Variants in DYM observed in about 807,000 individuals in gnomAD.
DYM encodes the protein dymeclin.
Under a neutral mutation model 93.1 loss-of-function variants are expected in DYM, and 78 were observed. That is an observed-to-expected ratio of 0.84 (90% CI 0.70 to 1.01). The LOEUF (loss-of-function observed/expected upper bound fraction) is 1.01. DYM is among the 50% of genes least tolerant of loss of function. The pLI is 0.00. For missense variants in DYM, 789 were observed against 845.0 expected (o/e 0.93, Z 0.82); for synonymous variants, 321 against 319.7 (o/e 1.00, Z -0.04).
chr18:49,396,892 T>C (rs1239422946), intron 2 of DYM, among the ~76,000 whole-genome samples: 1 of 152,158 alleles, frequency 6.6e-6, no homozygotes, highest in Non-Finnish European at 1.5e-5. Flanking sequence ...AACAGTAGAA[T>C]AGTGGTACTG....
chr18:49,077,469 G>A (rs1377561524), intron 17 of DYM, among the ~76,000 whole-genome samples: 1 of 152,204 alleles, frequency 6.6e-6, no homozygotes. Flanking sequence ...TTCTGCCACT[G>A]TCCAGTGAAA....
At chr18:49,061,865 G>A (rs1197525988) in intron 17 of DYM, among the ~76,000 whole-genome samples, 1 of 152,220 alleles carries the variant, frequency 6.6e-6, no homozygotes, top group African/African-American at 2.4e-5. Context: ...AGAGTCCAGT[G>A]ACCTGTGTTG....
intron 14 of DYM, among the ~76,000 whole-genome samples, chr18:49,193,822 A>G (rs1348187694): frequency 2.0e-5 from 3 of 152,212 alleles, no homozygotes; most frequent in Non-Finnish European, 4.4e-5. Context: ...TTCATCTTTT[A>G]TAACATAGAA....
intron 15 of DYM, 32 bp from the exon 16 acceptor site, chr18:49,118,958 C>T: frequency 1.3e-6 from 2 of 1,577,620 alleles, no homozygotes; most frequent in Non-Finnish European, 1.7e-6. Context: ...AACACAGAGT[C>T]AGTCTTTTCC....
intron 9 of DYM, among the ~76,000 whole-genome samples, chr18:49,282,712 C>T (rs544619511): frequency 2.0e-5 from 3 of 152,282 alleles, no homozygotes; most frequent in African/African-American, 7.2e-5. Context: ...AATAAATCAG[C>T]TATAAGAACA....
At chr18:49,230,231 C>G (rs1452307886) in intron 13 of DYM, among the ~76,000 whole-genome samples, 1 of 152,102 alleles carries the variant, frequency 6.6e-6, no homozygotes, top group Non-Finnish European at 1.5e-5. Context: ...TTAAAAACAA[C>G]AGTCACTAAG....
rs1434439324 is a variant in DYM at position 49,041,367 on chromosome 18, C to T, written c.*2688G>A. On this transcript the variant is annotated 3_prime_UTR_variant, in exon 18 of 18. Transcript: ENST00000675505. Reference sequence around the variant, plus strand: ...TTCAGATCTGGGGTAAAATCAGATGCCAATTTCCATCTGAACACACGATGA... The same window carrying T: ...TTCAGATCTGGGGTAAAATCAGATGTCAATTTCCATCTGAACACACGATGA... The T allele has an allele frequency of 6.6e-6, 1 of 152,192 alleles. No homozygotes were observed. Among genetic ancestry groups the T allele is most frequent in the East Asian group, 1.9e-4 (1 of 5,200 alleles). The allele number at this position is 152,192 out of a possible 1,614,324, so 9.4% of individuals were successfully genotyped here.
At chr18:49,366,160 T>C (rs1485697593) in intron 5 of DYM, among the ~76,000 whole-genome samples, 4 of 152,192 alleles carry the variant, frequency 2.6e-5, no homozygotes, top group African/African-American at 7.2e-5. Flanking sequence ...TAAGTGAAGA[T>C]TGACAAGATT....
chr18:49,338,155 T>C (rs1469608004), intron 6 of DYM, among the ~76,000 whole-genome samples: 1 of 152,184 alleles, frequency 6.6e-6, no homozygotes, highest in Admixed American at 6.5e-5. Context: ...ATAGCATTTC[T>C]CCTTAGCAGC....
chr18:49,458,212 A>G (rs2083167423), intron 1 of DYM, among the ~76,000 whole-genome samples: 2 of 152,226 alleles, frequency 1.3e-5, no homozygotes, highest in Non-Finnish European at 2.9e-5. Context: ...AATATAAGAA[A>G]GAGCCATTTG....
chr18:49,121,774 C>T (rs1290821744), intron 15 of DYM, among the ~76,000 whole-genome samples: 1 of 152,172 alleles, frequency 6.6e-6, no homozygotes, highest in African/African-American at 2.4e-5. Flanking sequence ...AATGTAGTGG[C>T]ATCATTAAAG....
chr18:49,369,135 A>C (rs1175978315), intron 5 of DYM, among the ~76,000 whole-genome samples: 4 of 152,206 alleles, frequency 2.6e-5, no homozygotes, highest in African/African-American at 9.7e-5. Context: ...TCTCTATAAG[A>C]GTATCCACTA....
intron 13 of DYM, among the ~76,000 whole-genome samples, chr18:49,249,103 C>T (rs533730445): frequency 1.3e-5 from 2 of 152,270 alleles, no homozygotes; most frequent in South Asian, 4.1e-4. Flanking sequence ...GTGAGCGAGT[C>T]ACTCTCAGAA....
chr18:49,340,760 C>A (rs1163871396), intron 6 of DYM, among the ~76,000 whole-genome samples: 1 of 152,148 alleles, frequency 6.6e-6, no homozygotes, highest in East Asian at 1.9e-4. Flanking sequence ...ATAATGAGGA[C>A]ATCCACTAAA....
intron 11 of DYM, among the ~76,000 whole-genome samples, chr18:49,268,528 A>G (rs761167509): frequency 4.6e-5 from 7 of 152,326 alleles, no homozygotes; most frequent in Non-Finnish European, 7.4e-5. Context: ...GATACAGAAA[A>G]GTATAGAAAA....
intron 15 of DYM, among the ~76,000 whole-genome samples, chr18:49,145,050 T>G (rs2084930239): frequency 7.1e-6 from 1 of 141,498 alleles, no homozygotes. Context: ...CAGTGAACTA[T>G]GATCACACAC....
At chr18:49,184,032 G>C (rs1423453892) in intron 14 of DYM, among the ~76,000 whole-genome samples, 2 of 152,140 alleles carry the variant, frequency 1.3e-5, no homozygotes, top group Non-Finnish European at 2.9e-5. Context: ...TGGACTTCCA[G>C]TTTCTACAAC....
intron 17 of DYM, among the ~76,000 whole-genome samples, chr18:49,090,767 A>G (rs905821921): frequency 6.6e-6 from 1 of 152,220 alleles, no homozygotes; most frequent in African/African-American, 2.4e-5. Flanking sequence ...TAATACCATA[A>G]ATCAGAATAT....
chr18:49,193,157 A>G (rs751370615), intron 14 of DYM, among the ~76,000 whole-genome samples: 11 of 152,170 alleles, frequency 7.2e-5, no homozygotes, highest in Non-Finnish European at 1.3e-4. Flanking sequence ...TTTGCACCCC[A>G]TAAATATGTA....
Sources: gnomAD v4.1 joint callset for allele counts (sites outside exome capture counted in the v4.1 genomes callset) on GRCh38, gnomAD v4.1.1 for gene constraint, MANE v1.5 for transcripts, NCBI Gene and HGNC (gene_info 2026-07-23, HGNC 2026-07-21) for gene names.